DESI2: variants seen among roughly 807,000 people sequenced by gnomAD.
DESI2 encodes the protein desumoylating isopeptidase 2.
In DESI2, 10 loss-of-function variants were observed where a neutral mutation model predicts 24.1. The ratio of observed to expected loss-of-function variants is 0.41; its 90% CI spans 0.26 to 0.70. The LOEUF (loss-of-function observed/expected upper bound fraction) is 0.70, where lower values mean the gene tolerates loss of function less well. DESI2 is among the 30% of genes least tolerant of loss of function. The pLI, the probability that DESI2 is intolerant of heterozygous loss-of-function variation, is 0.29. For synonymous variants in DESI2, 71 were observed against 87.7 expected (o/e 0.81, Z 1.06); for missense variants, 122 against 234.9 (o/e 0.52, Z 3.14).
intron 1 of DESI2, among the ~76,000 whole-genome samples, chr1:244,655,261 C>T (rs1370466206): frequency 6.6e-6 from 1 of 152,200 alleles, no homozygotes. Flanking sequence ...TCTGCCTAAA[C>T]AACTAAAAAT....
intron 1 of DESI2, among the ~76,000 whole-genome samples, chr1:244,679,741 C>T (rs893540603): frequency 1.3e-5 from 2 of 152,028 alleles, no homozygotes; most frequent in South Asian, 4.1e-4. Context: ...TATTTCAGCA[C>T]AAGCCTGTAA....
chr1:244,663,418 C>T (rs969047912), intron 1 of DESI2, among the ~76,000 whole-genome samples: 9 of 151,832 alleles, frequency 5.9e-5, no homozygotes, highest in Admixed American at 1.3e-4. Context: ...CCTCGTGATC[C>T]GCCCACCTCA....
intron 1 of DESI2, among the ~76,000 whole-genome samples, chr1:244,657,013 TC>T (rs1254013158): frequency 1.3e-5 from 2 of 152,160 alleles, no homozygotes; most frequent in African/African-American, 2.4e-5. Flanking sequence ...CCTCAAGTGA[TC>T]CGCCCGCCTC....
At chr1:244,703,659 A>G (rs1325540189) in intron 4 of DESI2, among the ~76,000 whole-genome samples, 3 of 99,168 alleles carry the variant, frequency 3.0e-5, no homozygotes, top group African/African-American at 1.0e-4. Context: ...CCTCATGTAC[A>G]CTTTTTTTTT....
intron 1 of DESI2, among the ~76,000 whole-genome samples, chr1:244,686,144 G>T (rs142549643): frequency 1.3e-5 from 2 of 152,098 alleles, no homozygotes; most frequent in African/African-American, 2.4e-5. Flanking sequence ...GATACATGCC[G>T]TAAATGTTTG....
intron 3 of DESI2, among the ~76,000 whole-genome samples, chr1:244,690,686 C>T (rs1404437603): frequency 7.6e-6 from 1 of 130,972 alleles, no homozygotes; most frequent in Admixed American, 8.2e-5. Flanking sequence ...GCCTGGGCAA[C>T]AAGAGTAAAT....
intron 1 of DESI2, among the ~76,000 whole-genome samples, chr1:244,656,139 G>A (rs941517660): frequency 6.6e-6 from 1 of 152,176 alleles, no homozygotes; most frequent in African/African-American, 2.4e-5. Flanking sequence ...TATAGGCCTA[G>A]TACATCAGCT....
At chr1:244,664,065 G>A (rs1215009506) in intron 1 of DESI2, among the ~76,000 whole-genome samples, 1 of 151,208 alleles carries the variant, frequency 6.6e-6, no homozygotes, top group African/African-American at 2.4e-5. Flanking sequence ...ACTTAACAAT[G>A]GGGTGGTTAC....
intron 1 of DESI2, among the ~76,000 whole-genome samples, chr1:244,683,315 C>CTTT (rs1429991998): frequency 2.2e-3 from 332 of 151,948 alleles, no homozygotes; most frequent in African/African-American, 7.8e-3. Flanking sequence ...TATATTATTA[C>CTTT]TTTTTTCTTT....
At chr1:244,655,419 T>C (rs1175015027) in intron 1 of DESI2, among the ~76,000 whole-genome samples, 1 of 152,260 alleles carries the variant, frequency 6.6e-6, no homozygotes, top group Non-Finnish European at 1.5e-5. Context: ...TATTAGACTT[T>C]TAATAAACTT....
intron 1 of DESI2, among the ~76,000 whole-genome samples, chr1:244,667,472 G>A (rs956510785): frequency 6.6e-6 from 1 of 152,176 alleles, no homozygotes. Flanking sequence ...GGGTTAAAAT[G>A]ACTCACATGA....
chr1:244,690,247 G>A (rs1022026297), intron 3 of DESI2, among the ~76,000 whole-genome samples: 1 of 152,106 alleles, frequency 6.6e-6, no homozygotes, highest in Non-Finnish European at 1.5e-5. Context: ...AGGCCCTGGT[G>A]TGTGATGTTC....
At chr1:244,663,845 C>T (rs1675941996) in intron 1 of DESI2, among the ~76,000 whole-genome samples, 1 of 151,816 alleles carries the variant, frequency 6.6e-6, no homozygotes. Flanking sequence ...GGTGAAACCC[C>T]ATCTCTGCTA....
At chr1:244,663,407 AC>A (rs1447158907) in intron 1 of DESI2, among the ~76,000 whole-genome samples, 2 of 151,882 alleles carry the variant, frequency 1.3e-5, no homozygotes, top group Non-Finnish European at 2.9e-5. Context: ...CGATCTCCTG[AC>A]CTCGTGATCC....
chr1:244,699,833 C>T (rs1411129542), intron 4 of DESI2, among the ~76,000 whole-genome samples: 2 of 152,144 alleles, frequency 1.3e-5, no homozygotes, highest in African/African-American at 4.8e-5. Flanking sequence ...CCGCTCTTCC[C>T]TAAAAACTTC....
intron 4 of DESI2, among the ~76,000 whole-genome samples, chr1:244,693,655 T>TC (rs1677107691): frequency 6.6e-6 from 1 of 151,592 alleles, no homozygotes. Context: ...GGTCTCGAAC[T>TC]CCTGACCTCA....
At chr1:244,664,020 G>GAAA (rs34195856) in intron 1 of DESI2, among the ~76,000 whole-genome samples, 30 of 89,370 alleles carry the variant, frequency 3.4e-4, no homozygotes, top group South Asian at 8.5e-4. Flanking sequence ...TCCGTCTCAG[G>GAAA]AAAAAAAAAA....
At chr1:244,693,571 A>G (rs1009963845) in intron 4 of DESI2, among the ~76,000 whole-genome samples, 27 of 152,162 alleles carry the variant, frequency 1.8e-4, no homozygotes, top group Middle Eastern at 3.4e-3. Flanking sequence ...AGCTGGGACT[A>G]TAGGCACCCG....
intron 1 of DESI2, among the ~76,000 whole-genome samples, chr1:244,668,621 G>A (rs1676132306): frequency 6.6e-6 from 1 of 152,048 alleles, no homozygotes; most frequent in Admixed American, 6.6e-5. Context: ...GCCCTAAGTG[G>A]TTATATTAAG....
Sources: gnomAD v4.1 joint callset for allele counts (sites outside exome capture counted in the v4.1 genomes callset) on GRCh38, gnomAD v4.1.1 for gene constraint, MANE v1.5 for transcripts, NCBI Gene and HGNC (gene_info 2026-07-23, HGNC 2026-07-21) for gene names.